NECAB1: variants seen among roughly 807,000 people sequenced by gnomAD.
NECAB1 encodes the protein N-terminal EF-hand calcium-binding protein 1.
NECAB1 carries 29 observed loss-of-function variants against 57.5 expected under a neutral mutation model. The observed-to-expected ratio is 0.50, with a 90% CI of 0.38 to 0.69. NECAB1 has a LOEUF of 0.69. Ranked by LOEUF, NECAB1 falls within the 30% of genes least tolerant of loss-of-function variation. The pLI, the probability that NECAB1 is intolerant of heterozygous loss-of-function variation, is 0.00. For synonymous variants in NECAB1, 142 were observed against 147.7 expected, an observed-to-expected ratio of 0.96 and a Z score of 0.28; for missense variants, 372 against 413.8, an observed-to-expected ratio of 0.90 and a Z score of 0.88.
intron 10 of NECAB1, among the ~76,000 whole-genome samples, chr8:90,949,392 A>G (rs1354505362): frequency 1.3e-5 from 2 of 152,152 alleles, no homozygotes; most frequent in East Asian, 1.9e-4. Flanking sequence ...TGGCAGAGGT[A>G]TGGTGGTTGA....
intron 1 of NECAB1, among the ~76,000 whole-genome samples, chr8:90,795,708 T>TCACACACACACA (rs59863984): frequency 2.0e-5 from 3 of 147,764 alleles, no homozygotes; most frequent in Non-Finnish European, 3.0e-5. Flanking sequence ...CTCATCTCTC[T>TCACACACACACA]CACACACACA....
intron 3 of NECAB1, among the ~76,000 whole-genome samples, chr8:90,840,213 ACAGT>A (rs1287138941): frequency 6.6e-6 from 1 of 152,226 alleles, no homozygotes; most frequent in Non-Finnish European, 1.5e-5. Flanking sequence ...TTCAAATTTA[ACAGT>A]CAGGGAGACT....
chr8:90,841,275 A>T (rs549444690), intron 3 of NECAB1, among the ~76,000 whole-genome samples: 19 of 152,184 alleles, frequency 1.2e-4, no homozygotes, highest in Admixed American at 2.6e-4. Flanking sequence ...AAATAAAAAA[A>T]AAAAAGGGAC....
Position 90,955,774 on chromosome 8 carries a change from C to CA in NECAB1, c.*266dup. The CA allele has an allele frequency of 2.7e-6, 1 of 369,970 alleles. No individual in the cohort carries two copies. The allele number at this position is 369,970 out of a possible 1,614,324, so 22.9% of individuals were successfully genotyped here. On this transcript the variant is annotated 3_prime_UTR_variant, in exon 13 of 13. Coordinates refer to ENST00000417640, the MANE Select transcript of NECAB1 (RefSeq NM_022351.5). ...TAACTCACCTAAAACCTTTTAGTGA[C>CA]AAAATCCTAATATGTGGAAAAAAGC... is the stretch of plus-strand genomic sequence containing the variant.
intron 10 of NECAB1, among the ~76,000 whole-genome samples, chr8:90,943,155 G>C (rs1486321459): frequency 6.6e-6 from 1 of 152,188 alleles, no homozygotes; most frequent in Admixed American, 6.5e-5. Flanking sequence ...AACAGGCTGT[G>C]GGGGAGTGAG....
At chr8:90,851,030 A>AC (rs748922367) in intron 3 of NECAB1, among the ~76,000 whole-genome samples, 1 of 152,168 alleles carries the variant, frequency 6.6e-6, no homozygotes. Flanking sequence ...TGACTCAGTC[A>AC]CCAAGGGTCA....
At chr8:90,926,353 G>A (rs1188875972) in intron 7 of NECAB1, among the ~76,000 whole-genome samples, 1 of 152,090 alleles carries the variant, frequency 6.6e-6, no homozygotes, top group Non-Finnish European at 1.5e-5. Flanking sequence ...AACTGTACTT[G>A]AAAGATTTCA....
chr8:90,853,998 G>A (rs1180815819), intron 3 of NECAB1, among the ~76,000 whole-genome samples: 1 of 152,180 alleles, frequency 6.6e-6, no homozygotes, highest in Non-Finnish European at 1.5e-5. Context: ...CATAGGGGAT[G>A]AGGGGTTTAG....
intron 6 of NECAB1, among the ~76,000 whole-genome samples, chr8:90,921,877 G>A (rs1042427974): frequency 6.6e-6 from 1 of 152,198 alleles, no homozygotes; most frequent in African/African-American, 2.4e-5. Context: ...GAATCACACA[G>A]TATCATTCAT....
chr8:90,880,614 C>G (rs1586080188), intron 4 of NECAB1, among the ~76,000 whole-genome samples: 1 of 151,668 alleles, frequency 6.6e-6, no homozygotes, highest in Non-Finnish European at 1.5e-5. Context: ...ATCACTGACT[C>G]TTAACCTTGA....
intron 5 of NECAB1, among the ~76,000 whole-genome samples, chr8:90,914,253 A>G (rs1312052588): frequency 6.6e-6 from 1 of 152,182 alleles, no homozygotes; most frequent in Non-Finnish European, 1.5e-5. Context: ...CAACATCACA[A>G]TGAAAAATTC....
At chr8:90,798,964 G>A (rs1027606235) in intron 1 of NECAB1, among the ~76,000 whole-genome samples, 1 of 151,884 alleles carries the variant, frequency 6.6e-6, no homozygotes, top group Non-Finnish European at 1.5e-5. Context: ...GAATGTGGTT[G>A]TGTTTTTTTT....
At chr8:90,893,860 T>A (rs1809254739) in intron 5 of NECAB1, among the ~76,000 whole-genome samples, 1 of 151,898 alleles carries the variant, frequency 6.6e-6, no homozygotes, top group Non-Finnish European at 1.5e-5. Context: ...ATTTTTTTTT[T>A]AATTATAGTC....
intron 3 of NECAB1, among the ~76,000 whole-genome samples, chr8:90,868,521 A>G (rs35234301): frequency 0.42 from 63,944 of 151,964 alleles, 15,462 homozygotes; most frequent in East Asian, 0.77. Flanking sequence ...GGTCATTCTC[A>G]CTATACTTTA....
At chr8:90,874,880 C>T (rs1427941500) in intron 4 of NECAB1, among the ~76,000 whole-genome samples, 2 of 152,084 alleles carry the variant, frequency 1.3e-5, no homozygotes, top group Non-Finnish European at 2.9e-5. Context: ...GCACACCCAC[C>T]AGCAGTTTAT....
At chr8:90,912,411 C>G (rs1563530815) in intron 5 of NECAB1, among the ~76,000 whole-genome samples, 1 of 152,122 alleles carries the variant, frequency 6.6e-6, no homozygotes, top group Non-Finnish European at 1.5e-5. Flanking sequence ...TAATTCATCT[C>G]TAAAGTATCA....
At chr8:90,802,116 T>A (rs1429902688) in intron 2 of NECAB1, among the ~76,000 whole-genome samples, 2 of 152,226 alleles carry the variant, frequency 1.3e-5, no homozygotes, top group Non-Finnish European at 2.9e-5. Flanking sequence ...CCCAGGTCTG[T>A]ATGACACGCA....
chr8:90,877,420 C>T (rs1808748072), intron 4 of NECAB1, among the ~76,000 whole-genome samples: 1 of 152,156 alleles, frequency 6.6e-6, no homozygotes, highest in South Asian at 2.1e-4. Flanking sequence ...CGAATTTACT[C>T]TGCATCATAA....
intron 8 of NECAB1, among the ~76,000 whole-genome samples, chr8:90,933,729 T>A (rs977030469): frequency 3.2e-4 from 47 of 146,842 alleles, no homozygotes; most frequent in African/African-American, 1.0e-3. Flanking sequence ...CCTATGGAAA[T>A]AAAAAAAAAA....
Sources: gnomAD v4.1 joint callset for allele counts (sites outside exome capture counted in the v4.1 genomes callset) on GRCh38, gnomAD v4.1.1 for gene constraint, MANE v1.5 for transcripts, NCBI Gene and HGNC (gene_info 2026-07-23, HGNC 2026-07-21) for gene names.